The following PIEZO1 variants were observed in gnomAD, a reference collection of about 807,000 sequenced individuals.
PIEZO1 encodes piezo type mechanosensitive ion channel component 1 (Er blood group), also known as piezo-type mechanosensitive ion channel component 1.
PIEZO1 carries 296 observed loss-of-function variants against 297.2 expected under a neutral mutation model. That is an observed-to-expected ratio of 1.00 (90% confidence interval 0.91 to 1.10). The LOEUF (loss-of-function observed/expected upper bound fraction) is 1.10, where lower values mean the gene tolerates loss of function less well. Ranked by LOEUF, PIEZO1 falls within the 50% of genes least tolerant of loss-of-function variation. The probability of loss-of-function intolerance (pLI) is 0.00; values close to 1 mark genes in which losing one functional copy is unlikely to be tolerated. For synonymous variants in PIEZO1, 2,427 were observed against 1,507.5 expected, an observed-to-expected ratio of 1.61 and a Z score of -14.13; for missense variants, 5,018 against 3,455.5, an observed-to-expected ratio of 1.45 and a Z score of -11.34.
rs570685117 is a variant in PIEZO1 at position 88,734,302 on chromosome 16, C to G, written c.2180+54G>C. ...GTCCAACTCCCACCTGGCTCCCTCCCTGGCCCAGGAGGCTACACCTCTCCA... is the reference window on the plus strand; with the variant it reads ...GTCCAACTCCCACCTGGCTCCCTCCGTGGCCCAGGAGGCTACACCTCTCCA... On this transcript the variant is annotated intron_variant, in intron 16 of 50. Transcript: ENST00000301015. 6 of 1,429,188 alleles carry G rather than the reference C, an allele frequency of 4.2e-6. No individual in the cohort carries two copies. In the Admixed American group the frequency reaches 8.2e-5, roughly 20 times the overall value. 88.5% of individuals were successfully genotyped at this position (1,429,188 alleles called of 1,614,324 possible).
At chr16:88,784,880 A>T in intron 1 of PIEZO1, 21 bp downstream of exon 1, 1 of 1,410,842 alleles carries the variant, frequency 7.1e-7, no homozygotes. Flanking sequence ...CGTCGCCCCC[A>T]GGCGCCCGCC....
At chr16:88,735,075 G>A in intron 13 of PIEZO1, 22 bp from the exon 14 acceptor site, 1 of 1,550,146 alleles carries the variant, frequency 6.5e-7, no homozygotes, top group East Asian at 2.4e-5. Flanking sequence ...GCCAGGGGCA[G>A]GCGATGGCAT....
At chr16:88,747,408 C>G (rs1343722653) in intron 2 of PIEZO1, among the ~76,000 whole-genome samples, 1 of 151,994 alleles carries the variant, frequency 6.6e-6, no homozygotes, top group East Asian at 1.9e-4. Flanking sequence ...CCCAGCTACT[C>G]GGGAGGCCGA....
chr16:88,716,281 C>T lies in PIEZO1; in HGVS notation c.7050-4G>A, dbSNP rs768287647. ...GGGGAAGAGATTAGGGATGACCCTG[C>T]AGGGAGGTGCTGGCAGGTCAGGCCT... On this transcript the variant is annotated splice_polypyrimidine_tract_variant and splice_region_variant and intron_variant, in intron 48 of 50. Transcript: ENST00000301015. 1.1e-5 allele frequency: 16 copies of T among 1,490,078 alleles called. No individual in the cohort carries two copies. Among genetic ancestry groups the T allele is most frequent in the South Asian group, 2.7e-5 (2 of 74,302 alleles). 92.3% of individuals were successfully genotyped at this position (1,490,078 alleles called of 1,614,324 possible). A position where few individuals can be genotyped will look rare whatever the true frequency, so the allele number is the denominator to read the frequency against.
intron 1 of PIEZO1, among the ~76,000 whole-genome samples, chr16:88,762,418 C>G (rs929840908): frequency 1.3e-4 from 20 of 152,234 alleles, no homozygotes; most frequent in Non-Finnish European, 2.8e-4. Context: ...TGGCCCCCAT[C>G]TGAGCTGCAG....
intron 49 of PIEZO1, 23 bp downstream of exon 49, chr16:88,716,175 C>A (rs895132366): frequency 4.0e-6 from 6 of 1,514,378 alleles, no homozygotes; most frequent in African/African-American, 2.8e-5. Context: ...CTAGCCTCCC[C>A]CAACCCCCAC....
At chr16:88,749,225 G>A (rs1444393613) in intron 2 of PIEZO1, among the ~76,000 whole-genome samples, 159 bp downstream of exon 2, 1 of 151,726 alleles carries the variant, frequency 6.6e-6, no homozygotes, top group Non-Finnish European at 1.5e-5. Context: ...GGGCGACTGA[G>A]CGAGACTCCG....
chr16:88,772,001 A>G (rs6500505), intron 1 of PIEZO1, among the ~76,000 whole-genome samples: 301 of 7,436 alleles, frequency 0.04, 65 homozygotes, highest in East Asian at 0.057. Context: ...CTCTATGCCC[A>G]TCCACCCGCG....
rs149709217 is a variant in PIEZO1, at chr16:88,743,927, G to A, written c.161-1505C>T. 2.4e-3 allele frequency: 715 copies of A among 299,424 alleles called. 4 individuals are homozygous for A. The highest frequency in any genetic ancestry group is 4.2e-3 in the Admixed American group (95 of 22,444). The allele number at this position is 299,424 out of a possible 1,614,324, so 18.5% of individuals were successfully genotyped here. A position where few individuals can be genotyped will look rare whatever the true frequency, so the allele number is the denominator to read the frequency against. On this transcript the variant is annotated intron_variant, in intron 2 of 50. Coordinates refer to ENST00000301015, the MANE Select transcript of PIEZO1 (RefSeq NM_001142864.4). Reference sequence around the variant, plus strand: ...GGAGGAATGGAAAACCGTCCAGGAAGGGAGGCTGCAGCCCCGACACGAACA... The same window carrying A: ...GGAGGAATGGAAAACCGTCCAGGAAAGGAGGCTGCAGCCCCGACACGAACA...
At position 88,720,061 on chromosome 16, in the gene PIEZO1, G is replaced by A. The variant is rs749121404; in HGVS notation, c.6164+8C>T. 3 of 1,549,946 alleles carry A rather than the reference G, an allele frequency of 1.9e-6. No homozygotes were observed. Among genetic ancestry groups the A allele is most frequent in the Admixed American group, 3.9e-5 (2 of 50,986 alleles). ...CTGGAGACCGAGCGCCCCCACGCGT[G>A]GGCCCACCTCTCAGTGACGGCGGGC... is the stretch of plus-strand genomic sequence containing the variant. On this transcript the variant is annotated splice_region_variant and intron_variant, in intron 42 of 50. Transcript: ENST00000301015.
In PIEZO1 at chr16:88,722,421, G is replaced by A. The variant is rs915283572; in HGVS notation, c.4776-24C>T. On this transcript the variant is annotated intron_variant, in intron 35 of 50. Coordinates refer to ENST00000301015, the MANE Select transcript of PIEZO1 (RefSeq NM_001142864.4). ...CACTGGGGAGGGAAGCCGAGTCACA[G>A]AGAATCCTGCTCTATGGCCTGACCC... The A allele has an allele frequency of 8.8e-6, 13 of 1,483,626 alleles. No individual in the cohort carries two copies. The African/African-American group carries it at 1.5e-4, about 18-fold the overall frequency. The allele number at this position is 1,483,626 out of a possible 1,614,324, so 91.9% of individuals were successfully genotyped here. A position where few individuals can be genotyped will look rare whatever the true frequency, so the allele number is the denominator to read the frequency against.
At chr16:88,763,072 G>A (rs962782913) in intron 1 of PIEZO1, among the ~76,000 whole-genome samples, 1 of 152,214 alleles carries the variant, frequency 6.6e-6, no homozygotes, top group Non-Finnish European at 1.5e-5. Flanking sequence ...ACTTGGACAG[G>A]GTGCAGGTCC....
intron 12 of PIEZO1, among the ~76,000 whole-genome samples, 183 bp downstream of exon 12, chr16:88,735,965 T>A (rs1905184074): frequency 6.6e-6 from 1 of 152,234 alleles, no homozygotes; most frequent in African/African-American, 2.4e-5. Flanking sequence ...GTCTGTTTAT[T>A]CAGTCAACAA....
Position 88,725,651 on chromosome 16 carries a change from C to G in PIEZO1, c.4002G>C (p.Lys1334Asn). The G allele has an allele frequency of 6.5e-7, 1 of 1,549,426 alleles. No individual in the cohort carries two copies. The highest frequency in any genetic ancestry group is 8.7e-7 in the Non-Finnish European group (1 of 1,145,940). ...GFALYNAANLKSIDFHRRIEE... is the reference protein window; with the variant it reads ...GFALYNAANLNSIDFHRRIEE... ...CTATCCTGCGGTGAAAGTCAATGCT[C>G]TTGAGGTTGGCAGCGTTGTAGAGGG... Residue 1334 changes from lysine to asparagine, a missense_variant, in exon 28 of 51, where the codon AAG becomes AAC. Transcript: ENST00000301015.
In PIEZO1 at chr16:88,722,284, T is replaced by C. The variant is rs911148554; in HGVS notation, c.4889A>G (p.Glu1630Gly). 1 of 1,548,376 alleles carries C rather than the reference T, an allele frequency of 6.5e-7. No individual in the cohort carries two copies. The highest frequency in any genetic ancestry group is 8.7e-7 in the Non-Finnish European group (1 of 1,146,750). The stretch of plus-strand genomic sequence containing the variant: ...GTACAGAGAGGCACCAGCCTCACGC[T>C]CCCCGGGGTCGGTGACTGCCTCCTC... ...GSEEAVTDPG[E>G]REAGASLYQG... is the part of the protein sequence containing the mutation. The change falls in exon 36 of 51, where the codon GAG becomes GGG. Residue 1630 changes from glutamate (E) to glycine (G), a missense_variant. Coordinates refer to ENST00000301015, the MANE Select transcript of PIEZO1 (RefSeq NM_001142864.4).
Position 88,722,876 on chromosome 16 carries a change from C to T in PIEZO1, c.4629G>A (p.Leu1543=), listed in dbSNP as rs923094486. 5.8e-6 allele frequency: 9 copies of T among 1,548,476 alleles called. No individual in the cohort carries two copies. The highest frequency in any genetic ancestry group is 7.8e-6 in the Non-Finnish European group (9 of 1,146,822). The change falls in exon 34 of 51, where the codon CTG becomes CTA. Residue 1543 remains leucine (L), a synonymous_variant. Coordinates refer to ENST00000301015, the MANE Select transcript of PIEZO1 (RefSeq NM_001142864.4). ...GTGTGAGGAGGTAGCGCTCTGCCCGCAGCACGTCGCTCATGGTGCCGTGGT... is the reference window on the plus strand; with the variant it reads ...GTGTGAGGAGGTAGCGCTCTGCCCGTAGCACGTCGCTCATGGTGCCGTGGT... ...TRHHGTMSDV[L]RAERYLLTQE...
rs1489098704 is a variant in PIEZO1 at position 88,736,398 on chromosome 16, A to T, written c.1307T>A (p.Ile436Asn). The T allele has an allele frequency of 6.5e-7, 1 of 1,548,802 alleles. No homozygotes were observed. Among genetic ancestry groups the T allele is most frequent in the Admixed American group, 2.0e-5 (1 of 50,974 alleles). The change falls in exon 12 of 51, where the codon ATC becomes AAC. Residue 436 changes from isoleucine to asparagine, a missense_variant. By Grantham distance (149) the Ile-to-Asn change is moderately radical. Coordinates refer to ENST00000301015, the MANE Select transcript of PIEZO1 (RefSeq NM_001142864.4). ...GAAGGTCAGCCAGCTGTGGTAGGTG[A>T]TGCTCCATACCTGCGCGGCAGAGAG... ...CALIAMMVWS[I>N]TYHSWLTFVL... is the part of the protein sequence containing the mutation.
Position 88,720,509 on chromosome 16 carries a change from A to T in PIEZO1, c.5825T>A (p.Leu1942Gln). 6.5e-7 allele frequency: 1 copy of T among 1,550,218 alleles called. No homozygotes were observed. Among genetic ancestry groups the T allele is most frequent in the Non-Finnish European group, 8.7e-7 (1 of 1,146,964 alleles). Reference protein sequence around the residue: ...LSLAQGTYRPLRRFFHDILHT... With the variant: ...LSLAQGTYRPQRRFFHDILHT... ...CAGGATGTCGTGGAAGAAGCGCCGT[A>T]GCGGCCGATATGTGCCCTGGGCCCT... Residue 1942 changes from leucine (L) to glutamine (Q), a missense_variant, in exon 41 of 51, where the codon CTA (leucine) becomes CAA (glutamine). Leu to Gln is a moderately radical substitution (Grantham distance 113). Transcript: ENST00000301015.
chr16:88,716,075 C>G lies in PIEZO1; in HGVS notation c.7174G>C (p.Glu2392Gln), dbSNP rs528448732. 2.6e-6 allele frequency: 4 copies of G among 1,549,812 alleles called. No individual in the cohort carries two copies. Among genetic ancestry groups the G allele is most frequent in the Non-Finnish European group, 3.5e-6 (4 of 1,146,642 alleles). ...AAGCCGGTGGCCCCCGCACCCTGCT[C>G]CCTCCGCAGCTGGATACGCACGCCG... is the stretch of plus-strand genomic sequence containing the variant. ...YLGVRIQLRR[E>Q]QGAGATGFLE... The change falls in exon 50 of 51, where the codon GAG (glutamate) becomes CAG (glutamine). Residue 2392 changes from glutamate to glutamine, a missense_variant. Glu to Gln is a conservative substitution (Grantham distance 29). Coordinates refer to ENST00000301015, the MANE Select transcript of PIEZO1 (RefSeq NM_001142864.4).
Sources: allele counts gnomAD v4.1 joint callset (sites outside exome capture counted in the v4.1 genomes callset), GRCh38; gene constraint gnomAD v4.1.1; transcripts MANE v1.5; gene names NCBI Gene and HGNC (gene_info 2026-07-23, HGNC 2026-07-21).